The following SLC9B1 variants were observed in gnomAD, a reference collection of about 807,000 sequenced individuals.
The protein encoded by SLC9B1 is sodium/hydrogen exchanger 9B1.
Under a neutral mutation model 51.7 loss-of-function variants are expected in SLC9B1, and 32 were observed. The ratio of observed to expected loss-of-function variants is 0.62; its 90% CI spans 0.47 to 0.83. SLC9B1 has a LOEUF of 0.83. Ranked by LOEUF, SLC9B1 falls within the 40% of genes least tolerant of loss-of-function variation. SLC9B1 has a pLI of 0.00. For synonymous variants in SLC9B1, 145 were observed against 212.7 expected (o/e 0.68, Z 2.77); for missense variants, 406 against 613.2 (o/e 0.66, Z 3.57).
At chr4:102,955,562 T>C (rs1578377785) in intron 3 of SLC9B1, among the ~76,000 whole-genome samples, 1 of 151,994 alleles carries the variant, frequency 6.6e-6, no homozygotes, top group Admixed American at 6.6e-5. Flanking sequence ...AATCAATGGT[T>C]TTGCCAGTTA....
At position 102,901,284 on chromosome 4, in the gene SLC9B1, G is replaced by C. The variant is rs1232289089; in HGVS notation, c.1381C>G (p.His461Asp). Residue 461 changes from histidine (H) to aspartate (D), a missense_variant, in exon 12 of 12, where the codon CAC becomes GAC. This residue lies in a region of SLC9B1 where 24 missense variants were observed against 30.7 expected (regional missense o/e 0.78). Coordinates refer to ENST00000296422, the MANE Select transcript of SLC9B1 (RefSeq NM_139173.4). The stretch of plus-strand genomic sequence containing the variant: ...ACATCCTTCGCATATGGTTCCAAGT[G>C]GGGTGCGGAGACTCTTGCTGTTTCT... ...ALETARVSAP[H>D]LEPYAKDVMT... is the part of the protein sequence containing the mutation. 6.2e-7 allele frequency: 1 copy of C among 1,611,896 alleles called. No homozygotes were observed. Among genetic ancestry groups the C allele is most frequent in the Non-Finnish European group, 8.5e-7 (1 of 1,179,838 alleles).
intron 3 of SLC9B1, among the ~76,000 whole-genome samples, chr4:102,974,302 T>C (rs889434023): frequency 1.9e-5 from 1 of 52,916 alleles, no homozygotes; most frequent in East Asian, 4.8e-4. Flanking sequence ...TTAAAGGAAA[T>C]AAGGCAAAAA....
rs1262873580 is a variant in SLC9B1, at chr4:102,991,778, A to G, written c.-1-66T>C. On this transcript the variant is annotated intron_variant, in intron 1 of 11. Transcript: ENST00000296422. ...ACTATAAATCCATATGAAAACAAAC[A>G]TGGTTAAGTGGGATTAATTTTTTAA... is the stretch of plus-strand genomic sequence containing the variant. 4.1e-5 allele frequency: 47 copies of G among 1,136,132 alleles called. 1 individual carries two copies. Among genetic ancestry groups the G allele is most frequent in the South Asian group, 1.1e-4 (7 of 63,104 alleles). 70.4% of individuals were successfully genotyped at this position (1,136,132 alleles called of 1,614,324 possible). A position where few individuals can be genotyped will look rare whatever the true frequency, so the allele number is the denominator to read the frequency against.
chr4:102,990,099 T>C (rs986086295), intron 2 of SLC9B1, among the ~76,000 whole-genome samples, 158 bp from the exon 3 acceptor site: 2 of 152,028 alleles, frequency 1.3e-5, no homozygotes, highest in African/African-American at 4.8e-5. Context: ...CAGTAGCTGT[T>C]TGGGGATGTA....
At chr4:102,931,028 T>C (rs1292935963) in intron 7 of SLC9B1, among the ~76,000 whole-genome samples, 1 of 151,708 alleles carries the variant, frequency 6.6e-6, no homozygotes, top group Non-Finnish European at 1.5e-5. Flanking sequence ...ATTGAGACCA[T>C]CCTGGCTAAC....
At chr4:102,940,858 A>G (rs149201967) in intron 6 of SLC9B1, among the ~76,000 whole-genome samples, 1 of 152,344 alleles carries the variant, frequency 6.6e-6, no homozygotes, top group East Asian at 1.9e-4. Flanking sequence ...AAACTTGACA[A>G]AAACAAGCAA....
chr4:103,019,482 T>C (rs1241873282), intron 1 of SLC9B1, 117 bp downstream of exon 1: 43 of 644,854 alleles, frequency 6.7e-5, no homozygotes, highest in Admixed American at 1.3e-4. Flanking sequence ...AAGAATCCCA[T>C]TGAACTGAGG....
At chr4:102,978,823 C>A (rs901249887) in intron 3 of SLC9B1, among the ~76,000 whole-genome samples, 1 of 152,104 alleles carries the variant, frequency 6.6e-6, no homozygotes, top group African/African-American at 2.4e-5. Flanking sequence ...GGTATATAAC[C>A]AAAGGATTAA....
intron 6 of SLC9B1, among the ~76,000 whole-genome samples, chr4:102,943,506 T>TAC (rs373442152): frequency 0.022 from 3,167 of 145,562 alleles, 45 homozygotes; most frequent in Middle Eastern, 0.031. Context: ...TGTGTATGTA[T>TAC]ACACACACAC....
chr4:102,914,239 G>T (rs59550147), intron 7 of SLC9B1, among the ~76,000 whole-genome samples: 36,888 of 90,770 alleles, frequency 0.41, 8,640 homozygotes, highest in African/African-American at 0.54. Context: ...GGATGAATCA[G>T]CCAGTGCAGG....
intron 7 of SLC9B1, among the ~76,000 whole-genome samples, chr4:102,923,479 A>G (rs1007026157): frequency 6.6e-6 from 1 of 152,212 alleles, no homozygotes; most frequent in African/African-American, 2.4e-5. Flanking sequence ...AATAACTGGA[A>G]GCATTCCCTT....
At chr4:102,922,229 A>T (rs1053157695) in intron 7 of SLC9B1, among the ~76,000 whole-genome samples, 2 of 152,244 alleles carry the variant, frequency 1.3e-5, no homozygotes, top group Non-Finnish European at 2.9e-5. Context: ...CCACAGTGCA[A>T]TCAAATTAGA....
chr4:102,925,761 CCT>C (rs1460443268), intron 7 of SLC9B1, among the ~76,000 whole-genome samples: 1 of 151,412 alleles, frequency 6.6e-6, no homozygotes, highest in Non-Finnish European at 1.5e-5. Context: ...CCAGCATCAT[CCT>C]GGTACCAAAG....
chr4:103,019,063 G>C (rs1205014467), intron 1 of SLC9B1, among the ~76,000 whole-genome samples: 3 of 152,148 alleles, frequency 2.0e-5, no homozygotes, highest in Non-Finnish European at 4.4e-5. Context: ...CCATGAAACT[G>C]ATCCCTGGTG....
chr4:102,905,276 A>T (rs1187057892), intron 11 of SLC9B1, among the ~76,000 whole-genome samples: 1 of 149,984 alleles, frequency 6.7e-6, no homozygotes, highest in African/African-American at 2.5e-5. Flanking sequence ...ACTGGAATAC[A>T]GTGGTGCCAT....
chr4:102,920,479 C>A (rs1177155170), intron 7 of SLC9B1, among the ~76,000 whole-genome samples: 1 of 152,184 alleles, frequency 6.6e-6, no homozygotes, highest in East Asian at 1.9e-4. Context: ...GCTGAAAATT[C>A]TAAAAATCAG....
intron 6 of SLC9B1, among the ~76,000 whole-genome samples, chr4:102,941,831 T>G (rs1737017977): frequency 1.3e-5 from 2 of 150,908 alleles, no homozygotes; most frequent in African/African-American, 4.9e-5. Flanking sequence ...GAGAAAGAAA[T>G]AAAGGGCATC....
At chr4:102,947,645 G>A (rs1159349588) in intron 4 of SLC9B1, among the ~76,000 whole-genome samples, 12 of 152,208 alleles carry the variant, frequency 7.9e-5, no homozygotes, top group Non-Finnish European at 4.4e-5. Flanking sequence ...GAGCCACCGT[G>A]CCTGGCCCAC....
At chr4:102,922,972 C>T (rs969246767) in intron 7 of SLC9B1, among the ~76,000 whole-genome samples, 2 of 152,114 alleles carry the variant, frequency 1.3e-5, no homozygotes, top group Non-Finnish European at 2.9e-5. Context: ...TGAATTCTAC[C>T]AGAGGCACAA....
Sources: allele counts gnomAD v4.1 joint callset (sites outside exome capture counted in the v4.1 genomes callset), GRCh38; gene constraint gnomAD v4.1.1; regional missense constraint gnomAD v4.1.1; transcripts MANE v1.5; gene names NCBI Gene and HGNC (gene_info 2026-07-23, HGNC 2026-07-21).